Variants in SEZ6L observed in about 807,000 individuals in gnomAD.
SEZ6L encodes the protein seizure 6-like protein.
SEZ6L carries 37 observed loss-of-function variants against 106.2 expected under a neutral mutation model. The ratio of observed to expected loss-of-function variants is 0.35; its 90% CI spans 0.27 to 0.46. SEZ6L has a LOEUF of 0.46. SEZ6L is among the 20% of genes least tolerant of loss of function. The probability of loss-of-function intolerance (pLI) is 1.00; values close to 1 mark genes in which losing one functional copy is unlikely to be tolerated. For synonymous variants in SEZ6L, 541 were observed against 570.4 expected (o/e 0.95, Z 0.73); for missense variants, 1,172 against 1,332.8 (o/e 0.88, Z 1.88).
At chr22:26,230,560 T>C (rs2078768596) in intron 1 of SEZ6L, among the ~76,000 whole-genome samples, 1 of 152,180 alleles carries the variant, frequency 6.6e-6, no homozygotes. Flanking sequence ...ATAATAAACA[T>C]TCAGCACACA....
intron 6 of SEZ6L, 102 bp downstream of exon 6, chr22:26,306,246 G>A: frequency 7.5e-7 from 1 of 1,327,664 alleles, no homozygotes; most frequent in Non-Finnish European, 1.0e-6. Context: ...TTGACCCTCG[G>A]AATTCAAGAA....
intron 1 of SEZ6L, among the ~76,000 whole-genome samples, chr22:26,278,158 C>A (rs1054503017): frequency 1.5e-4 from 23 of 152,158 alleles, no homozygotes; most frequent in Non-Finnish European, 2.9e-4. Flanking sequence ...AGGGAAGGGG[C>A]GGTTTAGAAC....
At chr22:26,189,551 C>G (rs557269381) in intron 1 of SEZ6L, among the ~76,000 whole-genome samples, 1 of 152,170 alleles carries the variant, frequency 6.6e-6, no homozygotes, top group South Asian at 2.1e-4. Flanking sequence ...ATAATACAAA[C>G]TTAAAATTTA....
At chr22:26,305,325 A>C (rs1287837300) in intron 5 of SEZ6L, among the ~76,000 whole-genome samples, 1 of 152,120 alleles carries the variant, frequency 6.6e-6, no homozygotes, top group African/African-American at 2.4e-5. Context: ...ATTATCCAGA[A>C]CCGCATTTGG....
chr22:26,304,363 AAGAAAG>A (rs1162139121), intron 5 of SEZ6L, among the ~76,000 whole-genome samples: 1,722 of 90,838 alleles, frequency 0.019, 64 homozygotes, highest in African/African-American at 0.034. Flanking sequence ...AAAAAAAAAA[AAGAAAG>A]AAGAAAGAAA....
chr22:26,279,760 G>A (rs1428691637), intron 1 of SEZ6L, among the ~76,000 whole-genome samples: 2 of 152,080 alleles, frequency 1.3e-5, no homozygotes, highest in Non-Finnish European at 2.9e-5. Context: ...TTTGCTAAAC[G>A]CCCCCAAACA....
chr22:26,289,022 T>G (rs2081024631), intron 1 of SEZ6L, among the ~76,000 whole-genome samples: 1 of 152,238 alleles, frequency 6.6e-6, no homozygotes, highest in African/African-American at 2.4e-5. Flanking sequence ...TCCCTGGTCA[T>G]TTCAAAAACC....
intron 1 of SEZ6L, among the ~76,000 whole-genome samples, chr22:26,290,007 G>A (rs2081058019): frequency 6.6e-6 from 1 of 152,206 alleles, no homozygotes; most frequent in South Asian, 2.1e-4. Context: ...CATTTGCTAA[G>A]CACTCACTAC....
chr22:26,281,668 G>A (rs573869508), intron 1 of SEZ6L, among the ~76,000 whole-genome samples: 71 of 152,188 alleles, frequency 4.7e-4, no homozygotes, highest in Non-Finnish European at 7.4e-4. Context: ...GTGAGCCACC[G>A]CACCTGGCCT....
Position 26,281,358 on chromosome 22 carries a change from TTTTC to T in SEZ6L, c.95-11032_95-11029del, listed in dbSNP as rs1262023537. On this transcript the variant is annotated intron_variant, in intron 1 of 16. Coordinates refer to ENST00000248933, the MANE Select transcript of SEZ6L (RefSeq NM_021115.5). ...AATTGTAAGAAATAAGTTTCTTTTCTTTTCTTTCTTTCTTTCTTTTTTTTTTTTT... is the reference window on the plus strand; with the variant it reads ...AATTGTAAGAAATAAGTTTCTTTTCTTTTCTTTCTTTCTTTTTTTTTTTTT... Among the ~76,000 whole-genome samples the T allele has an allele frequency of 1.7e-3, 258 of 150,020 alleles. 2 individuals carry two copies. The highest frequency in any genetic ancestry group is 5.6e-3 in the African/African-American group (226 of 40,118).
intron 11 of SEZ6L, among the ~76,000 whole-genome samples, chr22:26,348,685 A>AG (rs2083139438): frequency 3.2e-4 from 26 of 80,400 alleles, no homozygotes; most frequent in South Asian, 1.1e-3. Flanking sequence ...AAAGAAAGAA[A>AG]GAAAGAAAGA....
chr22:26,283,785 A>G (rs2080847242), intron 1 of SEZ6L, among the ~76,000 whole-genome samples: 1 of 152,178 alleles, frequency 6.6e-6, no homozygotes, highest in Admixed American at 6.5e-5. Flanking sequence ...AGTTCATTCC[A>G]GGGGGTGGAG....
chr22:26,228,397 TCCACAC>T (rs1424840852), intron 1 of SEZ6L, among the ~76,000 whole-genome samples: 5 of 152,056 alleles, frequency 3.3e-5, no homozygotes, highest in Non-Finnish European at 7.4e-5. Flanking sequence ...AAGGCTACAA[TCCACAC>T]CCTGCCCCCT....
At chr22:26,245,392 A>G (rs2079301150) in intron 1 of SEZ6L, among the ~76,000 whole-genome samples, 1 of 152,108 alleles carries the variant, frequency 6.6e-6, no homozygotes, top group Non-Finnish European at 1.5e-5. Context: ...GCTCCCAGGC[A>G]GCCCTTGAAT....
chr22:26,189,795 G>A (rs1259699431), intron 1 of SEZ6L, among the ~76,000 whole-genome samples: 2 of 152,132 alleles, frequency 1.3e-5, no homozygotes, highest in Non-Finnish European at 2.9e-5. Flanking sequence ...CAGAATGAGG[G>A]ACTCTTCCAT....
chr22:26,287,732 A>G (rs1426325238), intron 1 of SEZ6L, among the ~76,000 whole-genome samples: 2 of 152,196 alleles, frequency 1.3e-5, no homozygotes, highest in African/African-American at 4.8e-5. Context: ...TCTGGCCAAC[A>G]TCCTGGCTAA....
chr22:26,272,607 G>T (rs1020328968), intron 1 of SEZ6L, among the ~76,000 whole-genome samples: 1 of 152,188 alleles, frequency 6.6e-6, no homozygotes, highest in African/African-American at 2.4e-5. Flanking sequence ...AGAGGAAAAA[G>T]CAGGGACTCT....
intron 1 of SEZ6L, among the ~76,000 whole-genome samples, chr22:26,279,177 C>T (rs2080673702): frequency 6.6e-6 from 1 of 152,170 alleles, no homozygotes; most frequent in African/African-American, 2.4e-5. Context: ...AAGTAATCAC[C>T]TTAGGCAAGT....
At chr22:26,294,493 G>A in intron 3 of SEZ6L, 68 bp downstream of exon 3, 1 of 1,538,402 alleles carries the variant, frequency 6.5e-7, no homozygotes, top group African/African-American at 1.4e-5. Flanking sequence ...GATTGTCTGA[G>A]TCAGGCTTAC....
Sources: allele counts gnomAD v4.1 joint callset (sites outside exome capture counted in the v4.1 genomes callset), GRCh38; gene constraint gnomAD v4.1.1; transcripts MANE v1.5; gene names NCBI Gene and HGNC (gene_info 2026-07-23, HGNC 2026-07-21).